Variants in MLLT3 observed in about 807,000 individuals in gnomAD.
MLLT3 encodes MLLT3 super elongation complex subunit.
Under a neutral mutation model 53.2 loss-of-function variants are expected in MLLT3, and 4 were observed. That is an observed-to-expected ratio of 0.08 (90% CI 0.04 to 0.17). The LOEUF is 0.17. Among genes scored for constraint, MLLT3 ranks in the 10% least tolerant of loss-of-function variants. The pLI is 1.00. For synonymous variants in MLLT3, 283 were observed against 230.6 expected, an observed-to-expected ratio of 1.23 and a Z score of -2.06; for missense variants, 569 against 684.0, an observed-to-expected ratio of 0.83 and a Z score of 1.87.
chr9:20,374,616 A>G (rs1229750070), intron 5 of MLLT3, among the ~76,000 whole-genome samples: 1 of 152,252 alleles, frequency 6.6e-6, no homozygotes, highest in Non-Finnish European at 1.5e-5. Flanking sequence ...CAGAATCAAG[A>G]GAAATTTTAT....
chr9:20,579,580 AT>A (rs1427938108), intron 2 of MLLT3, among the ~76,000 whole-genome samples: 2 of 152,208 alleles, frequency 1.3e-5, no homozygotes, highest in Non-Finnish European at 2.9e-5. Context: ...GAATAAAAAA[AT>A]ATAAACTTTT....
At chr9:20,588,970 C>A (rs1444624716) in intron 2 of MLLT3, among the ~76,000 whole-genome samples, 1 of 151,212 alleles carries the variant, frequency 6.6e-6, no homozygotes, top group Admixed American at 6.6e-5. Flanking sequence ...AATAGGAACA[C>A]TTTTACACTG....
chr9:20,579,631 C>T (rs1332682036), intron 2 of MLLT3, among the ~76,000 whole-genome samples: 2 of 152,072 alleles, frequency 1.3e-5, no homozygotes, highest in African/African-American at 2.4e-5. Context: ...TGGAGGCACA[C>T]AAAATTAATT....
chr9:20,368,370 G>A (rs1320046520), intron 5 of MLLT3, among the ~76,000 whole-genome samples: 1 of 152,140 alleles, frequency 6.6e-6, no homozygotes, highest in Non-Finnish European at 1.5e-5. Flanking sequence ...ATATTATTTT[G>A]ATAGCTCTGG....
chr9:20,564,613 T>G (rs1303716186), intron 2 of MLLT3, among the ~76,000 whole-genome samples: 1 of 152,172 alleles, frequency 6.6e-6, no homozygotes, highest in Admixed American at 6.5e-5. Context: ...ACTCATGCAT[T>G]TTCCAAGATT....
intron 5 of MLLT3, among the ~76,000 whole-genome samples, chr9:20,369,857 C>A (rs954711146): frequency 5.9e-5 from 9 of 152,118 alleles, no homozygotes; most frequent in Non-Finnish European, 1.2e-4. Context: ...CTTTCCCCAC[C>A]CTACCCCCTA....
intron 2 of MLLT3, among the ~76,000 whole-genome samples, chr9:20,606,359 G>C (rs1820569436): frequency 6.6e-6 from 1 of 151,940 alleles, no homozygotes; most frequent in African/African-American, 2.4e-5. Flanking sequence ...GAGTGGATGG[G>C]GGAGGAAAAC....
At chr9:20,421,919 T>C (rs1290603745) in intron 4 of MLLT3, among the ~76,000 whole-genome samples, 1 of 152,188 alleles carries the variant, frequency 6.6e-6, no homozygotes, top group African/African-American at 2.4e-5. Context: ...TTTAGCAAGA[T>C]ATGAGTTCAT....
At chr9:20,494,186 C>G (rs1049318426) in intron 2 of MLLT3, among the ~76,000 whole-genome samples, 1 of 152,132 alleles carries the variant, frequency 6.6e-6, no homozygotes, top group African/African-American at 2.4e-5. Context: ...ACTTTGGCTT[C>G]CATGATTCCT....
At chr9:20,411,719 T>C (rs915157270) in intron 5 of MLLT3, 1 of 152,100 alleles carries the variant, frequency 6.6e-6, no homozygotes, top group Non-Finnish European at 1.5e-5. Context: ...ATACATCAAA[T>C]TGAACAAGAA....
intron 2 of MLLT3, 103 bp from the exon 3 acceptor site, chr9:20,456,889 A>G: frequency 1.3e-6 from 1 of 794,410 alleles, no homozygotes; most frequent in Non-Finnish European, 2.0e-6. Flanking sequence ...ATCACACGCA[A>G]TTTTCATAGC....
chr9:20,464,321 C>T (rs556056953), intron 2 of MLLT3, among the ~76,000 whole-genome samples: 22 of 152,028 alleles, frequency 1.4e-4, no homozygotes, highest in South Asian at 4.2e-4. Flanking sequence ...AAAGATAAGA[C>T]GAGTCCTGCT....
intron 2 of MLLT3, among the ~76,000 whole-genome samples, chr9:20,503,077 TACTG>T: frequency 6.6e-6 from 1 of 152,238 alleles, no homozygotes; most frequent in Non-Finnish European, 1.5e-5. Context: ...TGGAAAGACA[TACTG>T]TGTTCACAAG....
chr9:20,527,366 C>T (rs929130600), intron 2 of MLLT3, among the ~76,000 whole-genome samples: 3 of 152,152 alleles, frequency 2.0e-5, no homozygotes, highest in Non-Finnish European at 2.9e-5. Context: ...CAAATCTTTC[C>T]TAAGGTTCAA....
chr9:20,571,170 C>T (rs1159358110), intron 2 of MLLT3, among the ~76,000 whole-genome samples: 1 of 152,208 alleles, frequency 6.6e-6, no homozygotes, highest in African/African-American at 2.4e-5. Context: ...TCATATAATG[C>T]TGCAGGTGAG....
At chr9:20,350,473 T>C (rs1255353688) in intron 10 of MLLT3, among the ~76,000 whole-genome samples, 1 of 150,560 alleles carries the variant, frequency 6.6e-6, no homozygotes, top group Non-Finnish European at 1.5e-5. Flanking sequence ...CGGGCGCCTG[T>C]AGTCCCAGCT....
At chr9:20,559,194 G>A (rs999893681) in intron 2 of MLLT3, among the ~76,000 whole-genome samples, 3 of 152,088 alleles carry the variant, frequency 2.0e-5, no homozygotes, top group Non-Finnish European at 2.9e-5. Flanking sequence ...TTTATAATAC[G>A]ATTCCATTTT....
intron 8 of MLLT3, among the ~76,000 whole-genome samples, chr9:20,355,459 C>T (rs1821149010): frequency 6.6e-6 from 1 of 152,186 alleles, no homozygotes; most frequent in Non-Finnish European, 1.5e-5. Context: ...ACGCCAAGTG[C>T]TTTTCCTTTT....
chr9:20,567,260 G>A (rs1247738175), intron 2 of MLLT3, among the ~76,000 whole-genome samples: 1 of 116,540 alleles, frequency 8.6e-6, no homozygotes, highest in Non-Finnish European at 1.7e-5. Context: ...AATTAAACGT[G>A]TTTCTATAAC....
Sources: allele counts gnomAD v4.1 joint callset (sites outside exome capture counted in the v4.1 genomes callset), GRCh38; gene constraint gnomAD v4.1.1; transcripts MANE v1.5; gene names NCBI Gene and HGNC (gene_info 2026-07-23, HGNC 2026-07-21).